Variants in CIP2A observed in about 807,000 individuals in gnomAD.
CIP2A encodes cellular inhibitor of PP2A.
A neutral mutation model predicts 110.9 loss-of-function variants in CIP2A; 103 were observed. That is an observed-to-expected ratio of 0.93 (90% CI 0.79 to 1.09). CIP2A has a LOEUF of 1.09. Among genes scored for constraint, CIP2A ranks in the 50% least tolerant of loss-of-function variants. The pLI is 0.00. For synonymous variants in CIP2A, 381 were observed against 361.6 expected (o/e 1.05, Z -0.61); for missense variants, 1,088 against 1,038.4 (o/e 1.05, Z -0.66).
chr3:108,582,245 A>G (rs768381633), intron 3 of CIP2A, 43 bp from the exon 4 acceptor site: 1 of 825,666 alleles, frequency 1.2e-6, no homozygotes, highest in Admixed American at 2.4e-5. Flanking sequence ...ATATAAAAAC[A>G]TTGCCTGCTT....
chr3:108,579,658 T>G lies in CIP2A; in HGVS notation c.580A>C (p.Ile194Leu), dbSNP rs149558836. Reference sequence around the variant, plus strand: ...AAACTACTATGGGCCAACAAGGTGATAAGAGTTCGATAAAAAGATTTCACA... The same window carrying G: ...AAACTACTATGGGCCAACAAGGTGAGAAGAGTTCGATAAAAAGATTTCACA... Reference protein sequence around the residue: ...SNVKSFYRTLITLLAHSSLTV... With the variant: ...SNVKSFYRTLLTLLAHSSLTV... The change falls in exon 6 of 21, where the codon ATC becomes CTC. Residue 194 changes from isoleucine to leucine, a missense_variant. Physicochemically the swap from Ile to Leu is conservative, Grantham distance 5. Transcript: ENST00000295746. 1 of 1,587,702 alleles carries G rather than the reference T, an allele frequency of 6.3e-7. No homozygotes were observed. Among genetic ancestry groups the G allele is most frequent in the East Asian group, 2.3e-5 (1 of 44,184 alleles).
intron 17 of CIP2A, among the ~76,000 whole-genome samples, chr3:108,555,862 C>T (rs964540069): frequency 6.6e-5 from 10 of 152,096 alleles, no homozygotes; most frequent in African/African-American, 2.2e-4. Flanking sequence ...GAAATTTACT[C>T]GCCTTTAAAA....
At chr3:108,557,092 A>G (rs1478613931) in intron 17 of CIP2A, 126 bp downstream of exon 17, 5 of 522,484 alleles carry the variant, frequency 9.6e-6, no homozygotes, top group African/African-American at 1.9e-5. Flanking sequence ...TTTCTTGCTA[A>G]TTACTTACCT....
At chr3:108,560,355 T>C (rs955977148) in intron 14 of CIP2A, among the ~76,000 whole-genome samples, 2 of 152,094 alleles carry the variant, frequency 1.3e-5, no homozygotes, top group African/African-American at 4.8e-5. Context: ...GTATTTTTAA[T>C]AGAGACGGGG....
chr3:108,566,652 A>C lies in CIP2A; in HGVS notation c.1274-14T>G. The C allele has an allele frequency of 6.5e-7, 1 of 1,538,602 alleles. No homozygotes were observed. Among genetic ancestry groups the C allele is most frequent in the Non-Finnish European group, 8.8e-7 (1 of 1,140,710 alleles). ...CTCCACAGAGAGGTTAAGTTTTGTT[A>C]AGATATACAACAAAAAAATTCTCAC... On this transcript the variant is annotated splice_polypyrimidine_tract_variant and intron_variant, in intron 10 of 20. Transcript: ENST00000295746.
Position 108,553,882 on chromosome 3 carries a change from C to T in CIP2A, c.2325-152G>A, listed in dbSNP as rs953069810. ...CCTGGCTAACATGGTGAAACCCCGTCTCTACTAAAAATATAAAAAAAAAAA... is the reference window on the plus strand; with the variant it reads ...CCTGGCTAACATGGTGAAACCCCGTTTCTACTAAAAATATAAAAAAAAAAA... On this transcript the variant is annotated intron_variant, in intron 18 of 20. Transcript: ENST00000295746. The T allele has an allele frequency of 4.4e-4, 27 of 60,880 alleles. 1 individual carries two copies. Among genetic ancestry groups the T allele is most frequent in the Admixed American group, 2.7e-3 (11 of 4,122 alleles). 3.8% of individuals were successfully genotyped at this position (60,880 alleles called of 1,614,324 possible). A position where few individuals can be genotyped will look rare whatever the true frequency, so the allele number is the denominator to read the frequency against.
intron 2 of CIP2A, 24 bp from the exon 3 acceptor site, chr3:108,583,107 A>C: frequency 7.8e-7 from 1 of 1,287,980 alleles, no homozygotes; most frequent in Non-Finnish European, 1.1e-6. Context: ...TAAAAGCACA[A>C]AATATATCAT....
At chr3:108,560,214 C>T (rs902262480) in intron 14 of CIP2A, among the ~76,000 whole-genome samples, 186 bp from the exon 15 acceptor site, 44 of 151,926 alleles carry the variant, frequency 2.9e-4, no homozygotes, top group Non-Finnish European at 6.2e-4. Flanking sequence ...CACTGTCACC[C>T]AGGTTGGAGT....
intron 20 of CIP2A, among the ~76,000 whole-genome samples, chr3:108,551,693 T>TAGA (rs1172246308): frequency 6.6e-6 from 1 of 152,096 alleles, no homozygotes; most frequent in African/African-American, 2.4e-5. Context: ...GTAGTAGTAG[T>TAGA]AGATCAGTCT....
chr3:108,585,271 A>C, intron 1 of CIP2A, 59 bp from the exon 2 acceptor site: 1 of 1,460,136 alleles, frequency 6.8e-7, no homozygotes, highest in Non-Finnish European at 9.2e-7. Context: ...TCTCTTCTCC[A>C]TTTCAAATAA....
At chr3:108,576,401 AAAGGGATTTATCTACAAGAT>A (rs1938653614) in intron 7 of CIP2A, 55 bp from the exon 8 acceptor site, 2 of 913,864 alleles carry the variant, frequency 2.2e-6, no homozygotes, top group Admixed American at 2.5e-5. Context: ...TGATACATCA[AAAGGGATTTATCTACAAGAT>A]AAATATAAAA....
intron 7 of CIP2A, among the ~76,000 whole-genome samples, chr3:108,578,970 C>T (rs2278910): frequency 0.2 from 30,810 of 151,956 alleles, 3,695 homozygotes; most frequent in East Asian, 0.44. Context: ...TTCAAATAAT[C>T]GTAATGCTAC....
intron 1 of CIP2A, among the ~76,000 whole-genome samples, chr3:108,587,605 T>C (rs1246560291): frequency 6.6e-6 from 1 of 152,240 alleles, no homozygotes; most frequent in Non-Finnish European, 1.5e-5. Flanking sequence ...TTAAGATTAA[T>C]GCACTTTATG....
chr3:108,558,042 T>G (rs1341948081), intron 16 of CIP2A, among the ~76,000 whole-genome samples: 5 of 152,164 alleles, frequency 3.3e-5, no homozygotes, highest in African/African-American at 1.2e-4. Flanking sequence ...TCCAGTTATT[T>G]AGTGCTATTT....
At chr3:108,580,822 T>A (rs1326506008) in intron 5 of CIP2A, among the ~76,000 whole-genome samples, 4 of 152,048 alleles carry the variant, frequency 2.6e-5, no homozygotes, top group Non-Finnish European at 5.9e-5. Flanking sequence ...AGAGACAGGG[T>A]TCACCATGTT....
intron 18 of CIP2A, among the ~76,000 whole-genome samples, 186 bp from the exon 19 acceptor site, chr3:108,553,916 A>AAAAAAAAAAAAAAAAAAAAAAC (rs1937692913): frequency 7.0e-6 from 1 of 142,718 alleles, no homozygotes; most frequent in Admixed American, 7.0e-5. Flanking sequence ...AAAAAAAAAA[A>AAAAAAAAAAAAAAAAAAAAAAC]AAAGGTCTCG....
chr3:108,560,010 C>T lies in CIP2A; in HGVS notation c.1846G>A (p.Asp616Asn), dbSNP rs1576300876. ...SGMVVKDQICDVRISDIMDVY... is the reference protein window; with the variant it reads ...SGMVVKDQICNVRISDIMDVY... ...TCCATTATGTCAGATATTCTCACAT[C>T]ACAAATCTGATCCTTTACCTACATT... The change falls in exon 15 of 21, where the codon GAT becomes AAT. Residue 616 changes from aspartate (D) to asparagine (N), a missense_variant. Transcript: ENST00000295746. 1.3e-6 allele frequency: 2 copies of T among 1,594,092 alleles called. No individual in the cohort carries two copies. The highest frequency in any genetic ancestry group is 1.1e-5 in the South Asian group (1 of 89,518).
In CIP2A at chr3:108,571,046, C is replaced by T. The variant is rs192559548; in HGVS notation, c.895-1439G>A. 8.8e-4 allele frequency among the ~76,000 whole-genome samples: 134 copies of T among 152,108 alleles called. 1 individual carries two copies. Among genetic ancestry groups the T allele is most frequent in the African/African-American group, 2.6e-3 (109 of 41,496 alleles). ...ACACAGACATTAGCCCAGGTCTACA[C>T]AGGGCCAGGGTAATCAACACCACTT... On this transcript the variant is annotated intron_variant, in intron 8 of 20. Coordinates refer to ENST00000295746, the MANE Select transcript of CIP2A (RefSeq NM_020890.3).
chr3:108,550,124 T>A lies in CIP2A; in HGVS notation c.*1025A>T, dbSNP rs2083878350. On this transcript the variant is annotated 3_prime_UTR_variant, in exon 21 of 21. Transcript: ENST00000295746. ...ATTAATGACTGTATTGGTATAGCAATAAAATCAATCAAAATATTGATGTAA... is the reference window on the plus strand; with the variant it reads ...ATTAATGACTGTATTGGTATAGCAAAAAAATCAATCAAAATATTGATGTAA... 1 of 151,854 alleles carries A rather than the reference T, an allele frequency of 6.6e-6. No homozygotes were observed. Among genetic ancestry groups the A allele is most frequent in the African/African-American group, 2.4e-5 (1 of 41,408 alleles). The allele number at this position is 151,854 out of a possible 1,614,324, so 9.4% of individuals were successfully genotyped here.
Sources: gnomAD v4.1 joint callset for allele counts (sites outside exome capture counted in the v4.1 genomes callset) on GRCh38, gnomAD v4.1.1 for gene constraint, MANE v1.5 for transcripts, NCBI Gene and HGNC (gene_info 2026-07-23, HGNC 2026-07-21) for gene names.